Variants in SIAH1 observed in about 807,000 individuals in gnomAD.
SIAH1 encodes the protein E3 ubiquitin-protein ligase SIAH1.
SIAH1 carries 2 observed loss-of-function variants against 20.0 expected under a neutral mutation model. The ratio of observed to expected loss-of-function variants is 0.10; its 90% CI spans 0.04 to 0.31. The LOEUF is 0.31. Among genes scored for constraint, SIAH1 ranks in the 10% least tolerant of loss-of-function variants. The pLI, the probability that SIAH1 is intolerant of heterozygous loss-of-function variation, is 1.00. For synonymous variants in SIAH1, 118 were observed against 125.3 expected (o/e 0.94, Z 0.39); for missense variants, 119 against 355.3 (o/e 0.33, Z 5.35).
chr16:48,371,665 A>G (rs1360584897), intron 1 of SIAH1, among the ~76,000 whole-genome samples: 2 of 152,214 alleles, frequency 1.3e-5, no homozygotes, highest in South Asian at 2.1e-4. Flanking sequence ...AATAACCTTA[A>G]AACTTTTTAG....
chr16:48,381,449 C>T (rs1961290261), intron 1 of SIAH1, among the ~76,000 whole-genome samples: 1 of 152,226 alleles, frequency 6.6e-6, no homozygotes, highest in African/African-American at 2.4e-5. Context: ...CAAAAACCTG[C>T]AAATGGACGT....
At chr16:48,377,514 G>A (rs919275539) in intron 1 of SIAH1, among the ~76,000 whole-genome samples, 16 of 151,034 alleles carry the variant, frequency 1.1e-4, no homozygotes, top group Admixed American at 8.6e-4. Flanking sequence ...CTCAGCCTCC[G>A]AGTAGCTGGA....
chr16:48,385,038 G>T (rs1567379681), intron 1 of SIAH1, among the ~76,000 whole-genome samples, 166 bp downstream of exon 1: 1 of 148,152 alleles, frequency 6.7e-6, no homozygotes, highest in African/African-American at 2.4e-5. Context: ...GGCGGCGCTC[G>T]ACCGGGCGGC....
intron 1 of SIAH1, chr16:48,365,543 T>C (rs1246001071): frequency 1.8e-5 from 29 of 1,570,648 alleles, no homozygotes; most frequent in Non-Finnish European, 2.4e-5. Flanking sequence ...CTGGGCTCTT[T>C]CTGCTCCTAA....
At chr16:48,381,857 T>TTGGGTAA (rs1961302233) in intron 1 of SIAH1, among the ~76,000 whole-genome samples, 1 of 152,116 alleles carries the variant, frequency 6.6e-6, no homozygotes, top group Non-Finnish European at 1.5e-5. Context: ...ACTATAATCT[T>TTGGGTAA]TGGGTAATAA....
chr16:48,373,868 C>T (rs765463058), intron 1 of SIAH1, among the ~76,000 whole-genome samples: 11 of 152,194 alleles, frequency 7.2e-5, no homozygotes, highest in Non-Finnish European at 1.6e-4. Flanking sequence ...CTTTGTTCCC[C>T]TTTACTCACT....
At position 48,362,935 on chromosome 16, in the gene SIAH1, A is replaced by G. The variant is rs944873617; in HGVS notation, c.-2-505T>C. 1.2e-5 allele frequency: 2 copies of G among 166,114 alleles called. No individual in the cohort carries two copies. The highest frequency in any genetic ancestry group is 4.8e-5 in the African/African-American group (2 of 41,448). The allele number at this position is 166,114 out of a possible 1,614,324, so 10.3% of individuals were successfully genotyped here. On this transcript the variant is annotated intron_variant, in intron 1 of 1. Coordinates refer to ENST00000394725, the MANE Select transcript of SIAH1 (RefSeq NM_003031.4). This position sits in a 1 kb window ranked among gnomAD's most constrained non-coding sequence, Gnocchi z 4.2. ...CATCCGAGGACTTCACCAGCCATGG[A>G]TTGAAAATATTCAGAAAAATTTATA...
At chr16:48,364,395 TA>T (rs1267473870) in intron 1 of SIAH1, among the ~76,000 whole-genome samples, 2 of 152,214 alleles carry the variant, frequency 1.3e-5, no homozygotes, top group African/African-American at 4.8e-5. Context: ...TACCAACTGA[TA>T]GCTTAAATGA....
In SIAH1 at chr16:48,365,433, T is replaced by TC. The variant is rs748026553; in HGVS notation, c.-2-3004dup. The TC allele has an allele frequency of 1.1e-5, 18 of 1,613,632 alleles. No homozygotes were observed. In the Middle Eastern group the frequency reaches 6.6e-4, roughly 59 times the overall value. On this transcript the variant is annotated intron_variant, in intron 1 of 1. Transcript: ENST00000394725. ...CCGCTGGTAAACATGTGAACAAGACTCCCCTCCAGGAGTACAGAGAAGGTG... is the reference window on the plus strand; with the variant it reads ...CCGCTGGTAAACATGTGAACAAGACTCCCCCTCCAGGAGTACAGAGAAGGTG...
At chr16:48,368,893 T>G (rs1960913300) in intron 1 of SIAH1, among the ~76,000 whole-genome samples, 1 of 152,166 alleles carries the variant, frequency 6.6e-6, no homozygotes, top group Non-Finnish European at 1.5e-5. Context: ...TAAATAAAAC[T>G]CCTCCATTCA....
intron 1 of SIAH1, among the ~76,000 whole-genome samples, chr16:48,364,508 CTCA>C (rs1370750722): frequency 6.6e-6 from 1 of 152,150 alleles, no homozygotes; most frequent in Non-Finnish European, 1.5e-5. Context: ...CGTAATGTGT[CTCA>C]TCATATGGAC....
At position 48,361,281 on chromosome 16, in the gene SIAH1, T is replaced by C; in HGVS notation, c.*299A>G. The C allele has an allele frequency of 3.2e-6, 1 of 315,694 alleles. No individual in the cohort carries two copies. The highest frequency in any genetic ancestry group is 6.1e-6 in the Non-Finnish European group (1 of 165,280). 19.6% of individuals were successfully genotyped at this position (315,694 alleles called of 1,614,324 possible). On this transcript the variant is annotated 3_prime_UTR_variant, in exon 2 of 2. Coordinates refer to ENST00000394725, the MANE Select transcript of SIAH1 (RefSeq NM_003031.4). ...CAAACTTTTTCAACAATACAATCAA[T>C]CTACAACAAACACAAAACTCAGAAT...
chr16:48,365,709 G>A (rs1340737771), intron 1 of SIAH1: 6 of 1,423,854 alleles, frequency 4.2e-6, no homozygotes, highest in Non-Finnish European at 5.5e-6. Context: ...CTCCAAAAAT[G>A]GGAGCCACAG....
intron 1 of SIAH1, chr16:48,363,837 A>C (rs907832395): frequency 1.2e-5 from 2 of 166,694 alleles, no homozygotes; most frequent in African/African-American, 4.8e-5. Context: ...CCAGGAAGCT[A>C]CCTGGGCTGG....
rs74017945 is a variant in SIAH1 at position 48,374,376 on chromosome 16, A to C, written c.-3+10828T>G. Reference sequence around the variant, plus strand: ...AGAAAGCAACAGAACAATGCTTTTAAAATTCTCAAAGAAAATTATGCCCTA... The same window carrying C: ...AGAAAGCAACAGAACAATGCTTTTACAATTCTCAAAGAAAATTATGCCCTA... On this transcript the variant is annotated intron_variant, in intron 1 of 1. Transcript: ENST00000394725. Among the ~76,000 whole-genome samples, 841 of 152,346 alleles carry C rather than the reference A, an allele frequency of 5.5e-3. 6 individuals carry two copies. Among genetic ancestry groups the C allele is most frequent in the African/African-American group, 0.019 (790 of 41,578 alleles).
intron 1 of SIAH1, among the ~76,000 whole-genome samples, chr16:48,367,940 T>A (rs979711384): frequency 1.3e-5 from 2 of 152,154 alleles, no homozygotes; most frequent in Non-Finnish European, 2.9e-5. Context: ...ATAGTTTAAG[T>A]AGATGTCAAT....
intron 1 of SIAH1, among the ~76,000 whole-genome samples, chr16:48,367,784 C>T (rs1368319337): frequency 1.4e-5 from 2 of 145,892 alleles, no homozygotes; most frequent in Non-Finnish European, 3.0e-5. Flanking sequence ...AGAATATTTA[C>T]ACTAGTTTTA....
chr16:48,362,435 A>G lies in SIAH1; in HGVS notation c.-2-5T>C. On this transcript the variant is annotated splice_polypyrimidine_tract_variant and splice_region_variant and intron_variant, in intron 1 of 1. Transcript: ENST00000394725. The surrounding 1 kb of genome is among the most constrained non-coding windows in gnomAD (Gnocchi z 4.2). Reference sequence around the variant, plus strand: ...TAGCAGTCTGACGGCTCATTTCTGAAATAAATACATAAGGAGGCAGGAGAA... The same window carrying G: ...TAGCAGTCTGACGGCTCATTTCTGAGATAAATACATAAGGAGGCAGGAGAA... 6.2e-7 allele frequency: 1 copy of G among 1,613,820 alleles called. No homozygotes were observed. The highest frequency in any genetic ancestry group is 8.5e-7 in the Non-Finnish European group (1 of 1,179,830).
intron 1 of SIAH1, among the ~76,000 whole-genome samples, chr16:48,366,933 G>T (rs576230305): frequency 6.6e-6 from 1 of 152,184 alleles, no homozygotes; most frequent in Non-Finnish European, 1.5e-5. Flanking sequence ...TTGAGACAGG[G>T]TCTCACTCTG....
Sources: allele counts gnomAD v4.1 joint callset (sites outside exome capture counted in the v4.1 genomes callset), GRCh38; gene constraint gnomAD v4.1.1; non-coding constraint Gnocchi (gnomAD v3.1); transcripts MANE v1.5; gene names NCBI Gene and HGNC (gene_info 2026-07-23, HGNC 2026-07-21).